The following IRF3 variants were observed in gnomAD, a reference collection of about 807,000 sequenced individuals.
IRF3 encodes interferon regulatory factor 3.
IRF3 carries 29 observed loss-of-function variants against 43.2 expected under a neutral mutation model. That is an observed-to-expected ratio of 0.67 (90% CI 0.50 to 0.91). The LOEUF is 0.91. Ranked by LOEUF, IRF3 falls within the 40% of genes least tolerant of loss-of-function variation. The pLI is 0.00. For synonymous variants in IRF3, 228 were observed against 233.9 expected, an observed-to-expected ratio of 0.97 and a Z score of 0.23; for missense variants, 505 against 559.1, an observed-to-expected ratio of 0.90 and a Z score of 0.98.
intron 2 of IRF3, 72 bp from the exon 3 acceptor site, chr19:49,663,586 C>T: frequency 2.1e-6 from 3 of 1,457,034 alleles, no homozygotes; most frequent in Non-Finnish European, 2.8e-6. Context: ...CTAACCCTGT[C>T]TCCCGAGTCC....
At position 49,665,702 on chromosome 19, in the gene IRF3, A is replaced by T; in HGVS notation, c.-80T>A. 7.4e-7 allele frequency: 1 copy of T among 1,349,338 alleles called. No homozygotes were observed. The highest frequency in any genetic ancestry group is 1.0e-6 in the Non-Finnish European group (1 of 999,224). 83.6% of individuals were successfully genotyped at this position (1,349,338 alleles called of 1,614,324 possible). ...TCTTGGAGCTCCGGGTAGCTCTCAA[A>T]CTCGAGGCTGCGCACCCCCTTTCCC... On this transcript the variant is annotated 5_prime_UTR_variant, in exon 1 of 8. Coordinates refer to ENST00000377139, the MANE Select transcript of IRF3 (RefSeq NM_001571.6).
In IRF3 at chr19:49,665,786, C is replaced by A; in HGVS notation, c.-164G>T. ...TTTGATCGACTTCTTGAAATAAAAC[C>A]AACTTTATCATTCTTTGGGTAACAG... On this transcript the variant is annotated 5_prime_UTR_variant, in exon 1 of 8. Transcript: ENST00000377139. 6.4e-7 allele frequency: 1 copy of A among 1,560,700 alleles called. No individual in the cohort carries two copies. Among genetic ancestry groups the A allele is most frequent in the South Asian group, 1.1e-5 (1 of 87,020 alleles).
At chr19:49,665,455 CTACTT>C (rs2081650910) in intron 1 of IRF3, 171 bp downstream of exon 1, 2 of 204,858 alleles carry the variant, frequency 9.8e-6, no homozygotes, top group Middle Eastern at 2.0e-3. Context: ...TCTTTCCTCC[CTACTT>C]TTTCTAGTTT....
rs746439139 is a variant in IRF3, at chr19:49,661,939, C to T, written c.982+9G>A. ...GTACTGGCCAGGTCGAAGCCCCTGT[C>T]TCACTCACCTACAATGAAGGGCCCC... On this transcript the variant is annotated intron_variant, in intron 6 of 7. Coordinates refer to ENST00000377139, the MANE Select transcript of IRF3 (RefSeq NM_001571.6). 38 of 1,598,462 alleles carry T rather than the reference C, an allele frequency of 2.4e-5. No individual in the cohort carries two copies. The highest frequency in any genetic ancestry group is 3.2e-5 in the Non-Finnish European group (37 of 1,170,272).
In IRF3 at chr19:49,664,842, C is replaced by G. The variant is rs777283903; in HGVS notation, c.-4G>C. The G allele has an allele frequency of 6.2e-7, 1 of 1,610,180 alleles. No homozygotes were observed. Among genetic ancestry groups the G allele is most frequent in the Non-Finnish European group, 8.5e-7 (1 of 1,178,036 alleles). On this transcript the variant is annotated 5_prime_UTR_variant, in exon 2 of 8. Transcript: ENST00000377139. ...TCCGTGGCTTTGGGGTTCCCATGGT[C>G]CGGCCTGCGCGTATAGGGCATTTCC...
In IRF3 at chr19:49,662,243, C is replaced by T; in HGVS notation, c.687G>A (p.Val229=). Residue 229 remains valine (V), a synonymous_variant, in exon 6 of 8, where the codon GTG becomes GTA. Transcript: ENST00000377139. The part of the protein sequence containing the change: ...TISCPEGLRL[V]GSEVGDRTLP... Reference sequence around the variant, plus strand: ...GCGTCCTGTCTCCCACTTCGGACCCCACCAGCCGCAGGCCCTCCGGGCAGG... The same window carrying T: ...GCGTCCTGTCTCCCACTTCGGACCCTACCAGCCGCAGGCCCTCCGGGCAGG... The T allele has an allele frequency of 6.2e-7, 1 of 1,614,014 alleles. No homozygotes were observed. Among genetic ancestry groups the T allele is most frequent in the Non-Finnish European group, 8.5e-7 (1 of 1,180,052 alleles).
rs2081381626 is a variant in IRF3 at position 49,662,487 on chromosome 19, G to A, written c.539C>T (p.Thr180Ile). 5 of 1,583,754 alleles carry A rather than the reference G, an allele frequency of 3.2e-6. No individual in the cohort carries two copies. The South Asian group carries it at 3.4e-5, about 11-fold the overall frequency. The change falls in exon 5 of 8, where the codon ACT becomes ATT. Residue 180 changes from threonine to isoleucine, a missense_variant. By Grantham distance (89) the Thr-to-Ile change is moderately conservative. Transcript: ENST00000377139. ...PLRSPSLDNP[T>I]PFPNLGPSEN... ...AGAGGGCCCCAGGTTTGGGAAGGGA[G>A]TGGGATTGTCCAAGCTGGGGCTCCG...
At position 49,662,054 on chromosome 19, in the gene IRF3, G is replaced by A; in HGVS notation, c.876C>T (p.Tyr292=). The change falls in exon 6 of 8, where the codon TAC becomes TAT. Residue 292 remains tyrosine, a synonymous_variant. Coordinates refer to ENST00000377139, the MANE Select transcript of IRF3 (RefSeq NM_001571.6). Reference sequence around the variant, plus strand: ...GGAGCAGCTCCTCGCTCACTGCCCAGTATGTGTGGCAGTGCCCCAGCCGCT... The same window carrying A: ...GGAGCAGCTCCTCGCTCACTGCCCAATATGTGTGGCAGTGCCCCAGCCGCT... ...WAQRLGHCHT[Y]WAVSEELLPN... 6.2e-7 allele frequency: 1 copy of A among 1,614,050 alleles called. No individual in the cohort carries two copies. The highest frequency in any genetic ancestry group is 8.5e-7 in the Non-Finnish European group (1 of 1,179,964).
intron 4 of IRF3, 68 bp from the exon 5 acceptor site, chr19:49,662,685 G>A (rs2081393114): frequency 1.5e-6 from 2 of 1,304,766 alleles, no homozygotes; most frequent in Non-Finnish European, 1.0e-6. Context: ...ATATGGACCA[G>A]GTCTGTTCTC....
At chr19:49,663,067 A>G in intron 4 of IRF3, 121 bp downstream of exon 4, 1 of 887,956 alleles carries the variant, frequency 1.1e-6, no homozygotes. Flanking sequence ...CAGGGTCAGC[A>G]CTGGCTCAGG....
intron 6 of IRF3, chr19:49,661,726 C>T (rs554710032): frequency 3.1e-5 from 16 of 523,096 alleles, no homozygotes; most frequent in Non-Finnish European, 4.0e-5. Flanking sequence ...ATTACAGGCA[C>T]GTGCCACCAC....
At chr19:49,660,138 G>C (rs934757128) in intron 7 of IRF3, among the ~76,000 whole-genome samples, 3 of 150,636 alleles carry the variant, frequency 2.0e-5, no homozygotes, top group Admixed American at 1.3e-4. Flanking sequence ...CTGTGATCTT[G>C]ACTCCTGGGA....
rs778124563 is a variant in IRF3, at chr19:49,660,834, G to T, written c.983-6C>A. 20 of 1,587,960 alleles carry T rather than the reference G, an allele frequency of 1.3e-5. No homozygotes were observed. Among genetic ancestry groups the T allele is most frequent in the Non-Finnish European group, 1.7e-5 (20 of 1,167,478 alleles). On this transcript the variant is annotated splice_region_variant and splice_polypyrimidine_tract_variant and intron_variant, in intron 6 of 7. Coordinates refer to ENST00000377139, the MANE Select transcript of IRF3 (RefSeq NM_001571.6). ...TTCCGTGAAGGTAATCAGATCTGGG[G>T]GCCCAGGAGCCTAGTCAGGGATGAG...
intron 6 of IRF3, among the ~76,000 whole-genome samples, chr19:49,661,233 C>T (rs575334611): frequency 6.6e-6 from 1 of 152,376 alleles, no homozygotes; most frequent in East Asian, 1.9e-4. Flanking sequence ...GTTGCACTCG[C>T]CTCACCTGAG....
chr19:49,660,871 C>T (rs996442928), intron 6 of IRF3, 43 bp from the exon 7 acceptor site: 1 of 1,555,402 alleles, frequency 6.4e-7, no homozygotes, highest in Non-Finnish European at 8.7e-7. Flanking sequence ...AGAGGACCCT[C>T]TACCCACCCT....
At chr19:49,660,047 C>G (rs1313360983) in intron 7 of IRF3, among the ~76,000 whole-genome samples, 1 of 127,634 alleles carries the variant, frequency 7.8e-6, no homozygotes, top group African/African-American at 3.1e-5. Flanking sequence ...GTAACTGAAC[C>G]ATAGGCCTAG....
intron 6 of IRF3, 145 bp from the exon 7 acceptor site, chr19:49,660,973 CCCCTCCTT>C: frequency 1.1e-6 from 1 of 899,964 alleles, no homozygotes; most frequent in Non-Finnish European, 1.6e-6. Context: ...TGGGGAAAGT[CCCCTCCTT>C]CCCTCCCTCC....
rs764584136 is a variant in IRF3, at chr19:49,663,423, C to T, written c.257G>A (p.Arg86His). The T allele has an allele frequency of 8.7e-6, 14 of 1,614,068 alleles. 1 individual carries two copies. The East Asian group carries it at 1.1e-4, about 13-fold the overall frequency. ...WKRNFRSALNRKEGLRLAEDR... is the reference protein window; with the variant it reads ...WKRNFRSALNHKEGLRLAEDR... ...CTCTGCTAAACGCAACCCTTCTTTG[C>T]GGTTGAGGGCAGAGCGGAAATTCCT... The change falls in exon 3 of 8, where the codon CGC becomes CAC. Residue 86 changes from arginine to histidine, a missense_variant. Coordinates refer to ENST00000377139, the MANE Select transcript of IRF3 (RefSeq NM_001571.6).
In IRF3 at chr19:49,664,677, G is replaced by C; in HGVS notation, c.162C>G (p.Phe54Leu). Reference sequence around the variant, plus strand: ...CGTCCCAGGTCGTCGCACGCACCTGGAAGATTCCGAAATCCTCCTGCTGTG... The same window carrying C: ...CGTCCCAGGTCGTCGCACGCACCTGCAAGATTCCGAAATCCTCCTGCTGTG... ...QDAQQEDFGIFQAWAEATGAY... is the reference protein window; with the variant it reads ...QDAQQEDFGILQAWAEATGAY... The change falls in exon 2 of 8, where the codon TTC (phenylalanine) becomes TTG (leucine). Residue 54 changes from phenylalanine to leucine, a missense_variant. Phe to Leu is a conservative substitution (Grantham distance 22). Coordinates refer to ENST00000377139, the MANE Select transcript of IRF3 (RefSeq NM_001571.6). 1 of 1,613,442 alleles carries C rather than the reference G, an allele frequency of 6.2e-7. No homozygotes were observed. Among genetic ancestry groups the C allele is most frequent in the Non-Finnish European group, 8.5e-7 (1 of 1,179,536 alleles).
Sources: allele counts gnomAD v4.1 joint callset (sites outside exome capture counted in the v4.1 genomes callset), GRCh38; gene constraint gnomAD v4.1.1; transcripts MANE v1.5; gene names NCBI Gene and HGNC (gene_info 2026-07-23, HGNC 2026-07-21).